Variants in PPP1R9A observed in about 807,000 individuals in gnomAD.
The protein encoded by PPP1R9A is neurabin-1.
In PPP1R9A, 59 loss-of-function variants were observed where a neutral mutation model predicts 141.9. The ratio of observed to expected loss-of-function variants is 0.42; its 90% CI spans 0.34 to 0.52. PPP1R9A has a LOEUF of 0.52. Among genes scored for constraint, PPP1R9A ranks in the 20% least tolerant of loss-of-function variants. The pLI is 0.10. For synonymous variants in PPP1R9A, 500 were observed against 569.7 expected (o/e 0.88, Z 1.74); for missense variants, 1,444 against 1,611.9 (o/e 0.90, Z 1.78).
chr7:95,099,324 A>G (rs1382453317), intron 2 of PPP1R9A, among the ~76,000 whole-genome samples: 1 of 152,208 alleles, frequency 6.6e-6, no homozygotes, highest in Non-Finnish European at 1.5e-5. Flanking sequence ...ACACCTGTCC[A>G]GTGGAAACTG....
At chr7:95,263,381 C>A (rs188684415) in intron 12 of PPP1R9A, among the ~76,000 whole-genome samples, 137 of 152,110 alleles carry the variant, frequency 9.0e-4, no homozygotes, top group African/African-American at 2.9e-3. Context: ...TGTAAGTAAG[C>A]ACTATATCAG....
intron 5 of PPP1R9A, among the ~76,000 whole-genome samples, chr7:95,178,050 A>G (rs1032476019): frequency 6.6e-6 from 1 of 152,196 alleles, no homozygotes; most frequent in Non-Finnish European, 1.5e-5. Flanking sequence ...AGATATATAC[A>G]GAACATTCCA....
At chr7:95,258,350 T>C (rs1799921411) in intron 12 of PPP1R9A, among the ~76,000 whole-genome samples, 1 of 152,314 alleles carries the variant, frequency 6.6e-6, no homozygotes, top group African/African-American at 2.4e-5. Flanking sequence ...CTTCGCCCAC[T>C]TTTTGATGAG....
chr7:95,126,830 G>C (rs80008943), intron 4 of PPP1R9A, among the ~76,000 whole-genome samples: 2 of 152,076 alleles, frequency 1.3e-5, no homozygotes. Flanking sequence ...AGCAAAGTGG[G>C]TGTTAGACAC....
At chr7:95,263,507 T>C (rs923418876) in intron 12 of PPP1R9A, among the ~76,000 whole-genome samples, 1 of 152,082 alleles carries the variant, frequency 6.6e-6, no homozygotes, top group African/African-American at 2.4e-5. Flanking sequence ...CGATCTTGGC[T>C]CACTGCAACC....
intron 2 of PPP1R9A, among the ~76,000 whole-genome samples, chr7:94,993,809 C>A (rs183725689): frequency 6.6e-6 from 1 of 152,194 alleles, no homozygotes; most frequent in African/African-American, 2.4e-5. Flanking sequence ...CCCAGACTGC[C>A]ATGTTGTCTG....
intron 12 of PPP1R9A, among the ~76,000 whole-genome samples, chr7:95,254,165 C>G (rs1346109095): frequency 9.9e-5 from 15 of 152,162 alleles, no homozygotes; most frequent in Admixed American, 9.2e-4. Context: ...CTAATTCTTA[C>G]TGAAGCCAAT....
At chr7:94,942,734 G>A (rs1584321114) in intron 2 of PPP1R9A, among the ~76,000 whole-genome samples, 2 of 152,082 alleles carry the variant, frequency 1.3e-5, no homozygotes, top group Non-Finnish European at 2.9e-5. Flanking sequence ...AACCTGGGAG[G>A]CAGAGGTTGC....
chr7:95,182,978 C>T (rs1449667555), intron 5 of PPP1R9A, among the ~76,000 whole-genome samples: 1 of 152,064 alleles, frequency 6.6e-6, no homozygotes, highest in African/African-American at 2.4e-5. Context: ...AACTACTAAG[C>T]AGAGAAATGT....
rs117377190 is a variant in PPP1R9A, at chr7:95,140,257, T to A, written c.1649+19425T>A. Among the ~76,000 whole-genome samples, 229 of 152,342 alleles carry A rather than the reference T, an allele frequency of 1.5e-3. 4 individuals are homozygous for A. The East Asian group carries it at 0.039, about 26-fold the overall frequency. Reference sequence around the variant, plus strand: ...AGGGAAAAAGTGATTATGGACCTACTGTATGAGAGAACAGAACCTCTGTCC... The same window carrying A: ...AGGGAAAAAGTGATTATGGACCTACAGTATGAGAGAACAGAACCTCTGTCC... On this transcript the variant is annotated intron_variant, in intron 4 of 19. Coordinates refer to ENST00000433360, the MANE Select transcript of PPP1R9A (RefSeq NM_001166160.2).
intron 2 of PPP1R9A, among the ~76,000 whole-genome samples, chr7:95,074,483 G>GT (rs1335898761): frequency 7.5e-5 from 7 of 93,900 alleles, no homozygotes; most frequent in African/African-American, 2.2e-4. Flanking sequence ...TTTTTTTGTT[G>GT]TTTTTTTTGA....
chr7:94,982,346 G>A (rs1392708295), intron 2 of PPP1R9A, among the ~76,000 whole-genome samples: 1 of 152,120 alleles, frequency 6.6e-6, no homozygotes, highest in African/African-American at 2.4e-5. Context: ...ACCCAGTAAT[G>A]GGATCACTGG....
At chr7:95,254,046 A>G (rs916958500) in intron 12 of PPP1R9A, among the ~76,000 whole-genome samples, 5 of 152,152 alleles carry the variant, frequency 3.3e-5, no homozygotes, top group Non-Finnish European at 7.4e-5. Context: ...TTTGGATCAA[A>G]ACCTTACATT....
At chr7:95,193,604 G>A (rs1453145535) in intron 5 of PPP1R9A, among the ~76,000 whole-genome samples, 3 of 151,854 alleles carry the variant, frequency 2.0e-5, no homozygotes, top group South Asian at 2.1e-4. Context: ...TTTGGAATTA[G>A]GGATCTTTTT....
intron 3 of PPP1R9A, 136 bp downstream of exon 3, chr7:95,111,527 C>T: frequency 4.3e-6 from 4 of 939,422 alleles, no homozygotes; most frequent in Non-Finnish European, 4.6e-6. Flanking sequence ...TATTAAGTTT[C>T]AAAAATAGTT....
At chr7:95,121,441 TTGTCTGTCTGTC>T (rs71125102) in intron 4 of PPP1R9A, among the ~76,000 whole-genome samples, 2 of 147,172 alleles carry the variant, frequency 1.4e-5, no homozygotes, top group East Asian at 4.1e-4. Flanking sequence ...CTCAAGCTAT[TTGTCTGTCTGTC>T]TGTCTGTCTA....
At chr7:95,092,034 G>C (rs577312681) in intron 2 of PPP1R9A, among the ~76,000 whole-genome samples, 10 of 152,220 alleles carry the variant, frequency 6.6e-5, no homozygotes, top group Non-Finnish European at 1.0e-4. Flanking sequence ...AGAATCACTC[G>C]ATGGTAGCTG....
chr7:95,067,041 T>C (rs2152116120), intron 2 of PPP1R9A, among the ~76,000 whole-genome samples: 1 of 152,342 alleles, frequency 6.6e-6, no homozygotes, highest in Non-Finnish European at 1.5e-5. Context: ...AGCAATGCCT[T>C]AAAAATTCTG....
chr7:94,971,952 G>C (rs149074287), intron 2 of PPP1R9A, among the ~76,000 whole-genome samples: 3 of 151,994 alleles, frequency 2.0e-5, no homozygotes, highest in East Asian at 3.9e-4. Context: ...GTTGAAGAAG[G>C]CTTCCATCAT....
Sources: gnomAD v4.1 joint callset for allele counts (sites outside exome capture counted in the v4.1 genomes callset) on GRCh38, gnomAD v4.1.1 for gene constraint, MANE v1.5 for transcripts, NCBI Gene and HGNC (gene_info 2026-07-23, HGNC 2026-07-21) for gene names.